CACNA2D3: variants seen among roughly 807,000 people sequenced by gnomAD.
CACNA2D3 encodes the protein voltage-dependent calcium channel subunit alpha-2/delta-3.
In CACNA2D3, 60 loss-of-function variants were observed where a neutral mutation model predicts 160.6. The observed-to-expected ratio is 0.37, with a 90% confidence interval of 0.30 to 0.46. CACNA2D3 has a LOEUF of 0.46. Ranked by LOEUF, CACNA2D3 falls within the 20% of genes least tolerant of loss-of-function variation. The probability of loss-of-function intolerance (pLI) is 1.00; values close to 1 mark genes in which losing one functional copy is unlikely to be tolerated. For synonymous variants in CACNA2D3, 558 were observed against 492.9 expected, an observed-to-expected ratio of 1.13 and a Z score of -1.75; for missense variants, 1,205 against 1,365.0, an observed-to-expected ratio of 0.88 and a Z score of 1.85.
At chr3:54,679,974 A>G (rs1287426714) in intron 11 of CACNA2D3, among the ~76,000 whole-genome samples, 1 of 152,250 alleles carries the variant, frequency 6.6e-6, no homozygotes, top group African/African-American at 2.4e-5. Flanking sequence ...TGTTGCTGTT[A>G]ATTTAAATTC....
chr3:54,359,190 G>A (rs891752203), intron 3 of CACNA2D3, among the ~76,000 whole-genome samples: 1 of 152,108 alleles, frequency 6.6e-6, no homozygotes, highest in African/African-American at 2.4e-5. Context: ...AGTTCAAGTG[G>A]GAAGTAACAC....
At chr3:55,060,828 T>C (rs901808629) in intron 35 of CACNA2D3, among the ~76,000 whole-genome samples, 1 of 152,222 alleles carries the variant, frequency 6.6e-6, no homozygotes, top group African/African-American at 2.4e-5. Flanking sequence ...ATATCCTTTG[T>C]TGTGAGCTCT....
intron 2 of CACNA2D3, among the ~76,000 whole-genome samples, chr3:54,175,702 G>T (rs906159764): frequency 1.3e-5 from 2 of 151,928 alleles, no homozygotes; most frequent in African/African-American, 2.4e-5. Context: ...AGGCGCCCTC[G>T]GAATGAAGAC....
intron 2 of CACNA2D3, among the ~76,000 whole-genome samples, chr3:54,319,620 TA>T (rs1476662644): frequency 1.3e-5 from 2 of 152,206 alleles, no homozygotes; most frequent in African/African-American, 4.8e-5. Flanking sequence ...AATCTTTAGT[TA>T]AACCGTGTTT....
intron 13 of CACNA2D3, among the ~76,000 whole-genome samples, chr3:54,806,274 C>T (rs993513451): frequency 7.2e-5 from 11 of 152,114 alleles, no homozygotes; most frequent in South Asian, 4.2e-4. Flanking sequence ...TCCCTGTTTG[C>T]AGACGACATG....
intron 5 of CACNA2D3, among the ~76,000 whole-genome samples, chr3:54,522,758 C>G (rs191869214): frequency 6.6e-6 from 1 of 151,978 alleles, no homozygotes; most frequent in African/African-American, 2.4e-5. Context: ...TGCAGCAAAC[C>G]ACTATTTTGA....
intron 35 of CACNA2D3, among the ~76,000 whole-genome samples, chr3:55,072,433 T>C (rs1031676262): frequency 6.6e-6 from 1 of 152,198 alleles, no homozygotes. Flanking sequence ...AGAAGAACTT[T>C]TCTTCATTGC....
At chr3:54,397,656 G>T (rs1367997647) in intron 4 of CACNA2D3, among the ~76,000 whole-genome samples, 1 of 75,458 alleles carries the variant, frequency 1.3e-5, no homozygotes, top group Non-Finnish European at 2.5e-5. Flanking sequence ...CTGAGTTCTA[G>T]TTTGATTGCA....
chr3:54,463,540 A>G (rs916497515), intron 4 of CACNA2D3, among the ~76,000 whole-genome samples: 1 of 152,018 alleles, frequency 6.6e-6, no homozygotes, highest in African/African-American at 2.4e-5. Flanking sequence ...TCCATCACTG[A>G]TACCCTTTCT....
At chr3:54,734,509 T>C (rs1701457585) in intron 11 of CACNA2D3, among the ~76,000 whole-genome samples, 1 of 152,102 alleles carries the variant, frequency 6.6e-6, no homozygotes, top group African/African-American at 2.4e-5. Flanking sequence ...CTTATAAAAA[T>C]AGAAAGACTC....
chr3:54,381,628 G>A (rs961608525), intron 3 of CACNA2D3, among the ~76,000 whole-genome samples: 1 of 152,146 alleles, frequency 6.6e-6, no homozygotes, highest in Non-Finnish European at 1.5e-5. Context: ...TTTAAGTGTC[G>A]CGGGGAGGAA....
At chr3:54,291,872 C>T (rs1703215322) in intron 2 of CACNA2D3, among the ~76,000 whole-genome samples, 1 of 152,170 alleles carries the variant, frequency 6.6e-6, no homozygotes, top group Non-Finnish European at 1.5e-5. Context: ...GTGCTGAACA[C>T]TGTGCTAAAC....
chr3:54,868,876 A>C (rs963524163), intron 17 of CACNA2D3, among the ~76,000 whole-genome samples: 2 of 152,240 alleles, frequency 1.3e-5, no homozygotes, highest in East Asian at 3.9e-4. Flanking sequence ...GAATCTTGCT[A>C]GCTGAATATT....
intron 5 of CACNA2D3, among the ~76,000 whole-genome samples, chr3:54,549,105 A>G (rs1575338761): frequency 6.6e-6 from 1 of 152,136 alleles, no homozygotes; most frequent in Admixed American, 6.5e-5. Context: ...TCCAATATAA[A>G]TCTCATATTA....
chr3:54,848,701 G>A (rs951464922), intron 17 of CACNA2D3, among the ~76,000 whole-genome samples: 3 of 152,220 alleles, frequency 2.0e-5, no homozygotes, highest in African/African-American at 7.2e-5. Context: ...ACGCAGCATA[G>A]TGGGAGGGAC....
At chr3:54,917,986 C>A (rs1212614890) in intron 27 of CACNA2D3, among the ~76,000 whole-genome samples, 5 of 152,160 alleles carry the variant, frequency 3.3e-5, no homozygotes, top group Non-Finnish European at 4.4e-5. Flanking sequence ...AGCATGAACT[C>A]GAATTATAGA....
At chr3:54,880,742 G>T (rs1699775243) in intron 20 of CACNA2D3, 54 bp from the exon 21 acceptor site, 6 of 1,390,336 alleles carry the variant, frequency 4.3e-6, no homozygotes, top group Middle Eastern at 1.8e-4. Context: ...TAGCCCACAA[G>T]TCTATTCGAG....
intron 3 of CACNA2D3, among the ~76,000 whole-genome samples, chr3:54,337,274 A>G (rs1456175236): frequency 6.6e-6 from 1 of 152,172 alleles, no homozygotes; most frequent in Non-Finnish European, 1.5e-5. Flanking sequence ...ACATCTTTGC[A>G]TTCCATTTTC....
intron 17 of CACNA2D3, among the ~76,000 whole-genome samples, chr3:54,855,698 A>G (rs1367281764): frequency 6.6e-6 from 1 of 152,214 alleles, no homozygotes; most frequent in Non-Finnish European, 1.5e-5. Flanking sequence ...TTCATTATTT[A>G]TCTATCTCCC....
Sources: gnomAD v4.1 joint callset for allele counts (sites outside exome capture counted in the v4.1 genomes callset) on GRCh38, gnomAD v4.1.1 for gene constraint, MANE v1.5 for transcripts, NCBI Gene and HGNC (gene_info 2026-07-23, HGNC 2026-07-21) for gene names.